Variants in FAT3 observed in about 807,000 individuals in gnomAD.
FAT3 encodes the protein protocadherin Fat 3.
A neutral mutation model predicts 310.2 loss-of-function variants in FAT3; 95 were observed. The observed-to-expected ratio is 0.31, with a 90% CI of 0.26 to 0.36. The LOEUF (loss-of-function observed/expected upper bound fraction) is 0.36, where lower values mean the gene tolerates loss of function less well. Ranked by LOEUF, FAT3 falls within the 10% of genes least tolerant of loss-of-function variation. The pLI is 1.00. For missense variants in FAT3, 5,408 were observed against 5,715.6 expected (o/e 0.95, Z 1.74); for synonymous variants, 2,314 against 2,192.9 (o/e 1.06, Z -1.54).
At chr11:92,756,243 A>G (rs532164996) in intron 4 of FAT3, among the ~76,000 whole-genome samples, 76 of 152,356 alleles carry the variant, frequency 5.0e-4, no homozygotes, top group Non-Finnish European at 1.6e-4. Context: ...GTACATACAT[A>G]CCTATGACAA....
At chr11:92,435,568 CTT>C (rs375065009) in intron 2 of FAT3, among the ~76,000 whole-genome samples, 12 of 92,634 alleles carry the variant, frequency 1.3e-4, no homozygotes, top group Admixed American at 4.9e-4. Flanking sequence ...TATTCTTTCT[CTT>C]TTTTTTTTTT....
intron 3 of FAT3, among the ~76,000 whole-genome samples, chr11:92,546,002 CCT>C (rs1340623519): frequency 1.3e-5 from 2 of 152,178 alleles, no homozygotes; most frequent in African/African-American, 4.8e-5. Context: ...TTTCTCTACT[CCT>C]CTCTCCACGT....
intron 2 of FAT3, among the ~76,000 whole-genome samples, chr11:92,507,759 A>G (rs1337658669): frequency 6.6e-6 from 1 of 150,896 alleles, no homozygotes; most frequent in African/African-American, 2.5e-5. Flanking sequence ...CACCCTATAT[A>G]TATACACACA....
chr11:92,682,120 A>G (rs1357220538), intron 3 of FAT3, among the ~76,000 whole-genome samples: 3 of 152,178 alleles, frequency 2.0e-5, no homozygotes, highest in Non-Finnish European at 4.4e-5. Flanking sequence ...ATCTCTTCTC[A>G]CCTACTCATT....
At chr11:92,836,830 G>A (rs1399234649) in intron 16 of FAT3, 127 bp downstream of exon 16, 2 of 1,079,602 alleles carry the variant, frequency 1.9e-6, no homozygotes, top group Non-Finnish European at 2.6e-6. Context: ...ATAAGGATGG[G>A]CTAAAATGCA....
chr11:92,560,215 AT>A lies in FAT3; in HGVS notation c.3607+35270del, dbSNP rs1229727209. On this transcript the variant is annotated intron_variant, in intron 3 of 27. Transcript: ENST00000525166. The stretch of plus-strand genomic sequence containing the variant: ...TGCCTAATGGCCAATGATGTTGAAC[AT>A]TTCATGTTCTTCTTAGGTCATTGGT... 2.6e-5 allele frequency among the ~76,000 whole-genome samples: 4 copies of A among 152,190 alleles called. No homozygotes were observed. The East Asian group carries it at 7.7e-4, about 29-fold the overall frequency.
intron 1 of FAT3, among the ~76,000 whole-genome samples, chr11:92,305,891 T>C (rs1947104568): frequency 6.6e-6 from 1 of 152,118 alleles, no homozygotes; most frequent in South Asian, 2.1e-4. Flanking sequence ...AGGACATAAA[T>C]GGAACAATTG....
chr11:92,497,090 T>G (rs1952791110), intron 2 of FAT3, among the ~76,000 whole-genome samples: 1 of 152,044 alleles, frequency 6.6e-6, no homozygotes, highest in Non-Finnish European at 1.5e-5. Context: ...GGAGTTTGTC[T>G]GGAATTCTAT....
chr11:92,390,685 A>G (rs1346620223), intron 2 of FAT3, among the ~76,000 whole-genome samples: 1 of 152,138 alleles, frequency 6.6e-6, no homozygotes, highest in Admixed American at 6.6e-5. Context: ...TTCTTGTCTG[A>G]GTGAGAATGA....
chr11:92,561,038 A>G (rs1411440389), intron 3 of FAT3, among the ~76,000 whole-genome samples: 1 of 152,220 alleles, frequency 6.6e-6, no homozygotes, highest in Non-Finnish European at 1.5e-5. Context: ...TTTTTGACAG[A>G]ATGTTTAAAA....
chr11:92,394,672 CTG>C (rs1344843717), intron 2 of FAT3, among the ~76,000 whole-genome samples: 10 of 151,966 alleles, frequency 6.6e-5, no homozygotes, highest in Middle Eastern at 6.8e-3. Flanking sequence ...TCAAAAAACT[CTG>C]TATCTTATTT....
At chr11:92,756,874 C>T (rs1195816302) in intron 4 of FAT3, among the ~76,000 whole-genome samples, 3 of 149,156 alleles carry the variant, frequency 2.0e-5, no homozygotes, top group Non-Finnish European at 4.4e-5. Flanking sequence ...TGCCTCCTGG[C>T]TCTGCCTGGC....
chr11:92,477,084 C>T (rs745536994), intron 2 of FAT3, among the ~76,000 whole-genome samples: 2 of 152,180 alleles, frequency 1.3e-5, no homozygotes, highest in African/African-American at 2.4e-5. Flanking sequence ...ATGGTAAGTT[C>T]GTTAATGAAC....
chr11:92,514,660 A>G (rs139423910), intron 2 of FAT3, among the ~76,000 whole-genome samples: 1 of 152,242 alleles, frequency 6.6e-6, no homozygotes, highest in Non-Finnish European at 1.5e-5. Flanking sequence ...CAGAGGTCCT[A>G]TCCTATTGAA....
chr11:92,511,086 A>T (rs1953273350), intron 2 of FAT3, among the ~76,000 whole-genome samples: 1 of 152,234 alleles, frequency 6.6e-6, no homozygotes, highest in African/African-American at 2.4e-5. Context: ...AGTGCATGAT[A>T]AAATCAGCTA....
intron 2 of FAT3, among the ~76,000 whole-genome samples, chr11:92,407,438 G>A (rs1393696809): frequency 6.6e-6 from 1 of 152,118 alleles, no homozygotes; most frequent in African/African-American, 2.4e-5. Flanking sequence ...ATAAATATTT[G>A]TTGAGGGGTA....
At chr11:92,787,263 A>G (rs191617522) in intron 7 of FAT3, among the ~76,000 whole-genome samples, 77 of 152,016 alleles carry the variant, frequency 5.1e-4, no homozygotes, top group African/African-American at 1.8e-3. Context: ...TGAGTAAACC[A>G]TACATATTTT....
rs865906294 is a variant in FAT3 at position 92,352,139 on chromosome 11, G to A, written c.27G>A (p.Val9=). 2.9e-6 allele frequency: 4 copies of A among 1,363,528 alleles called. No homozygotes were observed. In the South Asian group the frequency reaches 3.4e-5, roughly 12 times the overall value. 84.5% of individuals were successfully genotyped at this position (1,363,528 alleles called of 1,614,324 possible). A position where few individuals can be genotyped will look rare whatever the true frequency, so the allele number is the denominator to read the frequency against. MDIIMGHC[V]GTRPPACCLI... ...TGGATATAATTATGGGACACTGTGTGGGCACACGGCCTCCTGCTTGTTGCC... is the reference window on the plus strand; with the variant it reads ...TGGATATAATTATGGGACACTGTGTAGGCACACGGCCTCCTGCTTGTTGCC... The change falls in exon 2 of 28, where the codon GTG becomes GTA. Residue 9 remains valine (V), a synonymous_variant. Transcript: ENST00000525166.
intron 3 of FAT3, among the ~76,000 whole-genome samples, chr11:92,588,256 T>A (rs12270632): frequency 0.013 from 1,987 of 152,124 alleles, 45 homozygotes; most frequent in African/African-American, 0.045. Flanking sequence ...CTATTGCTGC[T>A]CCTTTTTGAT....
Sources: gnomAD v4.1 joint callset for allele counts (sites outside exome capture counted in the v4.1 genomes callset) on GRCh38, gnomAD v4.1.1 for gene constraint, MANE v1.5 for transcripts, NCBI Gene and HGNC (gene_info 2026-07-23, HGNC 2026-07-21) for gene names.